The following TAF1D variants were observed in gnomAD, a reference collection of about 807,000 sequenced individuals.
TAF1D encodes the protein TATA box-binding protein-associated factor RNA polymerase I subunit D.
TAF1D carries 23 observed loss-of-function variants against 26.2 expected under a neutral mutation model. The observed-to-expected ratio is 0.88, with a 90% CI of 0.63 to 1.25. TAF1D has a LOEUF of 1.25. Ranked by LOEUF, TAF1D falls within the 50% of genes most tolerant of loss-of-function variation. The pLI is 0.00. For synonymous variants in TAF1D, 100 were observed against 105.6 expected, an observed-to-expected ratio of 0.95 and a Z score of 0.33; for missense variants, 299 against 322.0, an observed-to-expected ratio of 0.93 and a Z score of 0.55.
At chr11:93,733,025 G>C (rs1367343496), downstream of TAF1D, 1 of 337,288 alleles carries the variant, frequency 3.0e-6, no homozygotes, top group East Asian at 7.7e-5. Context: ...TACTGGGATG[G>C]TGTAATTTCT....
exon 12 of TAF1D, chr11:93,730,430 T>TTTATC (rs1160172970): frequency 1.3e-6 from 1 of 764,880 alleles, no homozygotes; most frequent in African/African-American, 1.7e-5. Flanking sequence ...AGTCAAAAGA[T>TTTATC]TTATCTTCAA....
At chr11:93,734,154 AAATT>A (rs1256585160), downstream of TAF1D, 1 of 153,166 alleles carries the variant, frequency 6.5e-6, no homozygotes, top group African/African-American at 2.4e-5. Context: ...TCTTGGCTCA[AAATT>A]AATTGTCATC....
chr11:93,737,022 T>C (rs781723743), intron 4 of TAF1D, 42 bp downstream of exon 4: 21 of 1,477,732 alleles, frequency 1.4e-5, no homozygotes, highest in Admixed American at 2.5e-5. Flanking sequence ...AGAAATTTAA[T>C]TTATAACCTA....
At chr11:93,734,810 T>C (rs577657295), downstream of TAF1D, 28 of 1,194,486 alleles carry the variant, frequency 2.3e-5, no homozygotes, top group Non-Finnish European at 3.0e-5. Flanking sequence ...GGGTCTGTCT[T>C]TGTTACTCAG....
Position 93,737,148 on chromosome 11 carries a change from TCAC to T in TAF1D, c.548_550del (p.Gly183del). Reference sequence around the variant, plus strand: ...GTCAAAATCTTCATTTTCTAAATCTTCACCAACATTCATTTGCTTCAATGATTC... The same window carrying T: ...GTCAAAATCTTCATTTTCTAAATCTTCAACATTCATTTGCTTCAATGATTC... On this transcript the variant is annotated inframe_deletion, in exon 4 of 6. Transcript: ENST00000448108. 1 of 1,612,650 alleles carries T rather than the reference TCAC, an allele frequency of 6.2e-7. No homozygotes were observed. The highest frequency in any genetic ancestry group is 1.1e-5 in the South Asian group (1 of 90,744).
chr11:93,738,533 CTTTT>C lies in TAF1D; in HGVS notation c.69-38_69-35del, dbSNP rs749718997. 18 of 1,521,182 alleles carry C rather than the reference CTTTT, an allele frequency of 1.2e-5. 1 individual carries two copies. The South Asian group carries it at 2.4e-4, about 20-fold the overall frequency. 94.2% of individuals were successfully genotyped at this position (1,521,182 alleles called of 1,614,324 possible). A position where few individuals can be genotyped will look rare whatever the true frequency, so the allele number is the denominator to read the frequency against. On this transcript the variant is annotated intron_variant, in intron 2 of 5. Coordinates refer to ENST00000448108, the MANE Select transcript of TAF1D (RefSeq NM_024116.4). ...ATGGGAAAAAAATTAATTTCATCTT[CTTTT>C]CTTACTGCTTATTACCATTAATACC...
downstream of TAF1D, chr11:93,732,382 A>T: frequency 1.9e-6 from 1 of 519,040 alleles, no homozygotes; most frequent in Non-Finnish European, 3.8e-6. Flanking sequence ...TAGAAATACC[A>T]GGTTTAACAA....
rs67574108 is a variant in TAF1D at position 93,739,961 on chromosome 11, C to CAAAAAA, written c.-27-636_-27-631dup. Among the ~76,000 whole-genome samples, 218 of 81,926 alleles carry CAAAAAA rather than the reference C, an allele frequency of 2.7e-3. 1 individual carries two copies. The highest frequency in any genetic ancestry group is 5.1e-3 in the African/African-American group (94 of 18,610). The allele number at this position is 81,926 out of a possible 152,430, so 53.7% of individuals were successfully genotyped here. A position where few individuals can be genotyped will look rare whatever the true frequency, so the allele number is the denominator to read the frequency against. On this transcript the variant is annotated intron_variant, in intron 1 of 5. Transcript: ENST00000448108. ...CCATGGTAGAGAGTATACAACATACCAAAAAAAAAAAAAAAAAAAAAGAAA... is the reference window on the plus strand; with the variant it reads ...CCATGGTAGAGAGTATACAACATACCAAAAAAAAAAAAAAAAAAAAAAAAAAAGAAA...
In TAF1D at chr11:93,739,280, G is replaced by A. The variant is rs748704210; in HGVS notation, c.25C>T (p.Leu9Phe). The change falls in exon 2 of 6, where the codon CTT becomes TTT. Residue 9 changes from leucine to phenylalanine, a missense_variant. Transcript: ENST00000448108. ...ACAGCATCAGATGTCACATGGTCAA[G>A]AGAATCTATTCCTGATTTATCCATC... MDKSGIDS[L>F]DHVTSDAVEL... 6.2e-7 allele frequency: 1 copy of A among 1,612,238 alleles called. No individual in the cohort carries two copies. The highest frequency in any genetic ancestry group is 2.2e-5 in the East Asian group (1 of 44,832).
Position 93,735,727 on chromosome 11 carries a change from C to G in TAF1D, c.*434G>C. The G allele has an allele frequency of 1.7e-5, 17 of 1,028,456 alleles. No homozygotes were observed. The highest frequency in any genetic ancestry group is 2.0e-5 in the Non-Finnish European group (17 of 857,044). The allele number at this position is 1,028,456 out of a possible 1,614,324, so 63.7% of individuals were successfully genotyped here. On this transcript the variant is annotated 3_prime_UTR_variant, in exon 6 of 6. Transcript: ENST00000448108. ...AAAGGGAAATGAGGTTATTACAATA[C>G]TAAGCATCTGACAGGTCACTTGTCA...
chr11:93,735,279 G>T, downstream of TAF1D: 1 of 1,292,890 alleles, frequency 7.7e-7, no homozygotes, highest in Non-Finnish European at 1.0e-6. Flanking sequence ...GCTCTATCGT[G>T]GTGATCAAAA....
At chr11:93,738,673 T>C (rs752917679) in intron 2 of TAF1D, among the ~76,000 whole-genome samples, 174 bp from the exon 3 acceptor site, 4 of 152,166 alleles carry the variant, frequency 2.6e-5, no homozygotes, top group Admixed American at 6.5e-5. Flanking sequence ...GATCATCCTA[T>C]TTAAATAGCC....
At chr11:93,733,033 T>G, downstream of TAF1D, 1 of 339,098 alleles carries the variant, frequency 2.9e-6, no homozygotes, top group Non-Finnish European at 5.8e-6. Flanking sequence ...TGGTGTAATT[T>G]CTATTTTTCA....
downstream of TAF1D, chr11:93,731,204 C>G (rs909614119): frequency 2.4e-6 from 1 of 412,608 alleles, no homozygotes; most frequent in Admixed American, 3.1e-5. Context: ...CTGATGAAGA[C>G]TTCAAAATTC....
intron 5 of TAF1D, 147 bp downstream of exon 5, chr11:93,736,547 T>C (rs1051848624): frequency 1.4e-6 from 2 of 1,420,444 alleles, no homozygotes; most frequent in Non-Finnish European, 1.8e-6. Context: ...TCTAAAAAAT[T>C]ATTTTCCTTC....
At chr11:93,736,578 T>G (rs760225785) in intron 5 of TAF1D, 116 bp downstream of exon 5, 185 of 1,470,466 alleles carry the variant, frequency 1.3e-4, no homozygotes, top group Non-Finnish European at 1.6e-4. Context: ...TGCAGTAAAC[T>G]TATAGAGCTT....
At position 93,736,147 on chromosome 11, in the gene TAF1D, C is replaced by G; in HGVS notation, c.*14G>C. 1 of 1,610,218 alleles carries G rather than the reference C, an allele frequency of 6.2e-7. No homozygotes were observed. The highest frequency in any genetic ancestry group is 8.5e-7 in the Non-Finnish European group (1 of 1,178,094). ...TTTTTTCTATATGCTTCACCTTTGA[C>G]ATTCATGATCCTGTCACATTTTCAG... is the stretch of plus-strand genomic sequence containing the variant. On this transcript the variant is annotated 3_prime_UTR_variant, in exon 6 of 6. Transcript: ENST00000448108.
chr11:93,732,424 T>C (rs1565237686), downstream of TAF1D: 3 of 519,092 alleles, frequency 5.8e-6, no homozygotes, highest in South Asian at 4.2e-5. Flanking sequence ...CGATGCCAGA[T>C]ACTGAATTTC....
At chr11:93,730,944 A>G (rs757437144), downstream of TAF1D, 3 of 494,380 alleles carry the variant, frequency 6.1e-6, no homozygotes, top group Non-Finnish European at 1.2e-5. Flanking sequence ...TGTGGTTCAC[A>G]TTTTATTTGT....
Sources: allele counts gnomAD v4.1 joint callset (sites outside exome capture counted in the v4.1 genomes callset), GRCh38; gene constraint gnomAD v4.1.1; transcripts MANE v1.5; gene names NCBI Gene and HGNC (gene_info 2026-07-23, HGNC 2026-07-21).